The following CORIN variants were observed in gnomAD, a reference collection of about 807,000 sequenced individuals.
The protein encoded by CORIN is atrial natriuretic peptide-converting enzyme.
CORIN carries 117 observed loss-of-function variants against 125.3 expected under a neutral mutation model. The observed-to-expected ratio is 0.93, with a 90% CI of 0.80 to 1.09. CORIN has a LOEUF of 1.09. Among genes scored for constraint, CORIN ranks in the 50% least tolerant of loss-of-function variants. The probability of loss-of-function intolerance (pLI) is 0.00; values close to 1 mark genes in which losing one functional copy is unlikely to be tolerated. For missense variants in CORIN, 1,253 were observed against 1,306.7 expected (o/e 0.96, Z 0.63); for synonymous variants, 450 against 466.4 (o/e 0.96, Z 0.45).
intron 5 of CORIN, among the ~76,000 whole-genome samples, chr4:47,703,562 C>T (rs577346061): frequency 5.5e-4 from 83 of 152,268 alleles, no homozygotes; most frequent in African/African-American, 1.9e-3. Context: ...GCTGCTTTGG[C>T]GAATTACTTA....
intron 19 of CORIN, among the ~76,000 whole-genome samples, chr4:47,620,660 G>A (rs562474826): frequency 6.6e-6 from 1 of 152,354 alleles, no homozygotes; most frequent in East Asian, 1.9e-4. Context: ...AATGCTAAGG[G>A]AAAATGCAGA....
intron 9 of CORIN, among the ~76,000 whole-genome samples, chr4:47,676,927 T>G (rs1407633226): frequency 6.6e-6 from 1 of 152,198 alleles, no homozygotes; most frequent in Non-Finnish European, 1.5e-5. Flanking sequence ...AACAAAGCAC[T>G]CTTTATATAT....
chr4:47,697,761 T>C lies in CORIN; in HGVS notation c.800-4678A>G, dbSNP rs865932332. On this transcript the variant is annotated intron_variant, in intron 5 of 21. Coordinates refer to ENST00000273857, the MANE Select transcript of CORIN (RefSeq NM_006587.4). ...AAATGAAAATAAAAAATAAGAGGAG[T>C]GAGAATTCCCATGAGGAGAAAGGGG... Among the ~76,000 whole-genome samples, 41 of 149,376 alleles carry C rather than the reference T, an allele frequency of 2.7e-4. No homozygotes were observed. The Middle Eastern group carries it at 0.01, about 38-fold the overall frequency.
At chr4:47,729,614 C>T (rs959925700) in intron 5 of CORIN, among the ~76,000 whole-genome samples, 6 of 152,004 alleles carry the variant, frequency 3.9e-5, no homozygotes, top group Non-Finnish European at 5.9e-5. Flanking sequence ...ATGATACAGA[C>T]GGGAGGTGGA....
At chr4:47,770,765 C>G (rs891204961) in intron 3 of CORIN, among the ~76,000 whole-genome samples, 19 of 151,918 alleles carry the variant, frequency 1.3e-4, no homozygotes, top group African/African-American at 4.6e-4. Flanking sequence ...TAAGTGAAAT[C>G]AACTAAGCAC....
intron 7 of CORIN, chr4:47,682,441 C>CAAAAAAAAAA (rs773064763): frequency 1.5e-5 from 1 of 64,796 alleles, no homozygotes; most frequent in East Asian, 5.9e-4. Context: ...GACTCCATCT[C>CAAAAAAAAAA]AAAAAAAAAA....
chr4:47,604,202 T>G (rs1721559155), intron 19 of CORIN, among the ~76,000 whole-genome samples: 1 of 152,228 alleles, frequency 6.6e-6, no homozygotes, highest in South Asian at 2.1e-4. Flanking sequence ...TTAAAACACT[T>G]TCTTCACTTG....
intron 18 of CORIN, 40 bp downstream of exon 18, chr4:47,623,859 T>A (rs1421652564): frequency 1.2e-6 from 2 of 1,607,966 alleles, no homozygotes; most frequent in Admixed American, 1.7e-5. Flanking sequence ...TCCAGTTCAA[T>A]TAAGTTCATA....
chr4:47,789,815 T>TA (rs1730983643), intron 2 of CORIN, among the ~76,000 whole-genome samples: 1 of 151,838 alleles, frequency 6.6e-6, no homozygotes, highest in Non-Finnish European at 1.5e-5. Flanking sequence ...GGTCAGGAAA[T>TA]AGAGACCGTC....
At position 47,800,312 on chromosome 4, in the gene CORIN, C is replaced by G. The variant is rs1191559694; in HGVS notation, c.208+6591G>C. On this transcript the variant is annotated intron_variant, in intron 2 of 21. Coordinates refer to ENST00000273857, the MANE Select transcript of CORIN (RefSeq NM_006587.4). ...TAATTAAATTAATAAGAATAACCCA[C>G]TTAAAGCAAAGCATTCCTCCTTTGC... is the stretch of plus-strand genomic sequence containing the variant. Among the ~76,000 whole-genome samples the G allele has an allele frequency of 2.6e-5, 4 of 152,096 alleles. No homozygotes were observed. The East Asian group carries it at 7.7e-4, about 29-fold the overall frequency.
intron 4 of CORIN, among the ~76,000 whole-genome samples, chr4:47,746,597 C>T (rs1577885647): frequency 6.6e-6 from 1 of 151,614 alleles, no homozygotes; most frequent in African/African-American, 2.4e-5. Flanking sequence ...ACTGCAGTGG[C>T]GCCATAGGCT....
intron 2 of CORIN, among the ~76,000 whole-genome samples, chr4:47,798,490 CCAAA>C (rs1731392500): frequency 6.6e-6 from 1 of 151,998 alleles, no homozygotes; most frequent in Admixed American, 6.6e-5. Context: ...TAAACTCAAA[CCAAA>C]CAGAGCATTT....
At chr4:47,811,038 AC>A (rs1732041867) in intron 1 of CORIN, among the ~76,000 whole-genome samples, 1 of 152,172 alleles carries the variant, frequency 6.6e-6, no homozygotes, top group Admixed American at 6.6e-5. Flanking sequence ...AATATGCAAA[AC>A]GAAACTCTCT....
chr4:47,796,935 T>C (rs552437701), intron 2 of CORIN, among the ~76,000 whole-genome samples: 9 of 152,152 alleles, frequency 5.9e-5, no homozygotes, highest in African/African-American at 1.7e-4. Flanking sequence ...ACCTTGTCTC[T>C]TCCCACATAG....
At chr4:47,728,503 C>G (rs1362110658) in intron 5 of CORIN, among the ~76,000 whole-genome samples, 2 of 152,110 alleles carry the variant, frequency 1.3e-5, no homozygotes, top group African/African-American at 4.8e-5. Context: ...GCGTACAAAG[C>G]TGAATACAGA....
chr4:47,683,747 A>C lies in CORIN; in HGVS notation c.1005T>G (p.Ser335Arg). The change falls in exon 7 of 22, where the codon AGT (serine) becomes AGG (arginine). Residue 335 changes from serine to arginine, a missense_variant. Ser to Arg is a moderately radical substitution (Grantham distance 110). Transcript: ENST00000273857. ...CDGYDDCGDL[S>R]DEQNCDCNPT... ...GCTACTTACCACAGTTTTGCTCATC[A>C]CTCAAATCCCCACAGTCATCATATC... 1.9e-6 allele frequency: 3 copies of C among 1,612,718 alleles called. No homozygotes were observed. Among genetic ancestry groups the C allele is most frequent in the Non-Finnish European group, 2.5e-6 (3 of 1,179,190 alleles).
At chr4:47,653,328 G>T (rs1723819582) in intron 13 of CORIN, among the ~76,000 whole-genome samples, 1 of 152,122 alleles carries the variant, frequency 6.6e-6, no homozygotes, top group Non-Finnish European at 1.5e-5. Flanking sequence ...AGGGGGAGGG[G>T]TACTGTATGT....
chr4:47,780,485 A>G (rs558289924), intron 3 of CORIN, among the ~76,000 whole-genome samples: 2 of 152,314 alleles, frequency 1.3e-5, no homozygotes, highest in African/African-American at 4.8e-5. Flanking sequence ...TGAATAAATA[A>G]GGTAAAAACA....
chr4:47,681,439 C>A (rs13137804), intron 7 of CORIN: 80,056 of 151,964 alleles, frequency 0.53, 21,724 homozygotes, highest in Non-Finnish European at 0.59. Context: ...CAGAGGAATT[C>A]TGTTGCCTGT....
Sources: allele counts gnomAD v4.1 joint callset (sites outside exome capture counted in the v4.1 genomes callset), GRCh38; gene constraint gnomAD v4.1.1; transcripts MANE v1.5; gene names NCBI Gene and HGNC (gene_info 2026-07-23, HGNC 2026-07-21).